Variants in CFAP20DC observed in about 807,000 individuals in gnomAD.
The protein encoded by CFAP20DC is protein CFAP20DC.
CFAP20DC carries 84 observed loss-of-function variants against 101.7 expected under a neutral mutation model. The observed-to-expected ratio is 0.83, with a 90% CI of 0.69 to 0.99. The LOEUF (loss-of-function observed/expected upper bound fraction) is 0.99, where lower values mean the gene tolerates loss of function less well. Among genes scored for constraint, CFAP20DC ranks in the 50% least tolerant of loss-of-function variants. The pLI, the probability that CFAP20DC is intolerant of heterozygous loss-of-function variation, is 0.00. For synonymous variants in CFAP20DC, 359 were observed against 351.2 expected, an observed-to-expected ratio of 1.02 and a Z score of -0.25; for missense variants, 1,007 against 970.3, an observed-to-expected ratio of 1.04 and a Z score of -0.50.
intron 6 of CFAP20DC, among the ~76,000 whole-genome samples, chr3:58,908,133 T>C (rs2083789423): frequency 6.6e-6 from 1 of 152,202 alleles, no homozygotes; most frequent in African/African-American, 2.4e-5. Context: ...CCCTTTCACC[T>C]AAGGCTGCCC....
intron 4 of CFAP20DC, among the ~76,000 whole-genome samples, chr3:59,030,452 T>C (rs1036030348): frequency 1.7e-4 from 26 of 152,204 alleles, no homozygotes; most frequent in Non-Finnish European, 5.9e-5. Context: ...ATCTGATAAA[T>C]TCCCAAGGTC....
At chr3:58,757,389 T>C (rs76463049) in intron 15 of CFAP20DC, among the ~76,000 whole-genome samples, 12,592 of 151,754 alleles carry the variant, frequency 0.083, 875 homozygotes, top group East Asian at 0.35. Context: ...CACACACACA[T>C]ATATATATGC....
chr3:58,774,557 G>A (rs2071148595), intron 15 of CFAP20DC, among the ~76,000 whole-genome samples: 1 of 152,184 alleles, frequency 6.6e-6, no homozygotes, highest in Non-Finnish European at 1.5e-5. Flanking sequence ...CAATAAAATA[G>A]AAGCACAAGA....
In CFAP20DC at chr3:58,795,560, G is replaced by A. The variant is rs1290486993; in HGVS notation, c.2237+10835C>T. 6.6e-6 allele frequency among the ~76,000 whole-genome samples: 1 copy of A among 152,236 alleles called. No individual in the cohort carries two copies. The highest frequency in any genetic ancestry group is 1.5e-5 in the Non-Finnish European group (1 of 68,042). On this transcript the variant is annotated intron_variant, in intron 15 of 16. Transcript: ENST00000482387. The surrounding 1 kb of genome is among the most constrained non-coding windows in gnomAD (Gnocchi z 4.2). ...GAGTTACCTGAGCCCGGGAGGCCGA[G>A]GCTGCAATGAGCCATGATTGTGCCA...
At chr3:58,757,125 T>C (rs1300940160) in intron 15 of CFAP20DC, among the ~76,000 whole-genome samples, 2 of 152,154 alleles carry the variant, frequency 1.3e-5, no homozygotes, top group South Asian at 4.1e-4. Context: ...CTTGTCTTTG[T>C]TAGATATTGG....
intron 7 of CFAP20DC, 113 bp from the exon 8 acceptor site, chr3:58,870,422 C>T: frequency 2.0e-6 from 2 of 980,094 alleles, no homozygotes; most frequent in Non-Finnish European, 3.2e-6. Context: ...AATCCCCCCT[C>T]CCCCCTCAGC....
chr3:58,933,164 AG>A (rs2086970413), intron 5 of CFAP20DC, among the ~76,000 whole-genome samples: 1 of 152,096 alleles, frequency 6.6e-6, no homozygotes, highest in Non-Finnish European at 1.5e-5. Flanking sequence ...AAAGATCAAA[AG>A]AGACAAAGAA....
At chr3:59,019,944 T>C (rs1031653034) in intron 4 of CFAP20DC, among the ~76,000 whole-genome samples, 1 of 152,120 alleles carries the variant, frequency 6.6e-6, no homozygotes, top group African/African-American at 2.4e-5. Context: ...TAACATGATG[T>C]ATTATATCAC....
chr3:58,945,653 C>T (rs2089249005), intron 4 of CFAP20DC, among the ~76,000 whole-genome samples: 1 of 151,830 alleles, frequency 6.6e-6, no homozygotes, highest in Non-Finnish European at 1.5e-5. Context: ...AGCATCTGAA[C>T]TTCACCAATC....
chr3:58,797,063 T>C (rs551323835), intron 15 of CFAP20DC, among the ~76,000 whole-genome samples: 2 of 152,242 alleles, frequency 1.3e-5, no homozygotes, highest in South Asian at 2.1e-4. Flanking sequence ...CACAGCAATA[T>C]TGAAATTAGG....
chr3:59,009,667 G>A lies in CFAP20DC; in HGVS notation c.278+29890C>T, dbSNP rs1488803006. On this transcript the variant is annotated intron_variant, in intron 4 of 16. Transcript: ENST00000482387. ...ACTTATTTGAGGGAATAATTGAGGA[G>A]GGCTTCCCTGGCCTTGTCAGAGACC... Among the ~76,000 whole-genome samples, 3 of 152,078 alleles carry A rather than the reference G, an allele frequency of 2.0e-5. No individual in the cohort carries two copies. The East Asian group carries it at 5.8e-4, about 29-fold the overall frequency.
chr3:58,772,342 A>T (rs2070925480), intron 15 of CFAP20DC, among the ~76,000 whole-genome samples: 1 of 152,218 alleles, frequency 6.6e-6, no homozygotes, highest in Admixed American at 6.5e-5. Flanking sequence ...AGAAATATAA[A>T]TGTCCCCAAA....
chr3:58,779,021 T>A (rs2107554508), intron 15 of CFAP20DC, among the ~76,000 whole-genome samples: 1 of 152,286 alleles, frequency 6.6e-6, no homozygotes, highest in East Asian at 1.9e-4. Context: ...TTACACCAGA[T>A]GTGCAGATAA....
intron 4 of CFAP20DC, among the ~76,000 whole-genome samples, chr3:59,026,024 T>C (rs745578518): frequency 7.9e-5 from 12 of 152,126 alleles, no homozygotes; most frequent in Non-Finnish European, 1.0e-4. Flanking sequence ...TATCAAAAAC[T>C]TCCACATAAA....
rs1358137356 is a variant in CFAP20DC at position 59,049,970 on chromosome 3, C to T, written c.-339G>A. On this transcript the variant is annotated 5_prime_UTR_variant, in exon 1 of 17. Coordinates refer to ENST00000482387, the MANE Select transcript of CFAP20DC (RefSeq NM_001394063.1). ...GCCCAGTCGCGGAGCCACAGACAAC[C>T]GCCCGCTGGCCTAGGAAAAGCGGGC... 1.7e-5 allele frequency: 5 copies of T among 291,392 alleles called. No individual in the cohort carries two copies. In the South Asian group the frequency reaches 3.5e-4, roughly 20 times the overall value. The allele number at this position is 291,392 out of a possible 1,614,324, so 18.1% of individuals were successfully genotyped here. A position where few individuals can be genotyped will look rare whatever the true frequency, so the allele number is the denominator to read the frequency against.
chr3:58,805,076 T>C (rs556246544), intron 15 of CFAP20DC, among the ~76,000 whole-genome samples: 1 of 152,330 alleles, frequency 6.6e-6, no homozygotes, highest in African/African-American at 2.4e-5. Context: ...TCATTTTTCA[T>C]GGCTTGGTTC....
intron 4 of CFAP20DC, among the ~76,000 whole-genome samples, chr3:58,958,272 C>T (rs1312331039): frequency 6.6e-6 from 1 of 152,020 alleles, no homozygotes; most frequent in Non-Finnish European, 1.5e-5. Context: ...TTCATATAAA[C>T]GTAAAAAAAT....
At chr3:58,757,742 A>C (rs573439582) in intron 15 of CFAP20DC, among the ~76,000 whole-genome samples, 2 of 152,058 alleles carry the variant, frequency 1.3e-5, no homozygotes, top group African/African-American at 4.8e-5. Flanking sequence ...AGGTATATCT[A>C]ATTTTACCTC....
chr3:59,009,277 C>T (rs548723738), intron 4 of CFAP20DC, among the ~76,000 whole-genome samples: 1 of 152,138 alleles, frequency 6.6e-6, no homozygotes, highest in East Asian at 1.9e-4. Flanking sequence ...CAGGGTCCTA[C>T]AATACCCCAA....
Sources: gnomAD v4.1 joint callset for allele counts (sites outside exome capture counted in the v4.1 genomes callset) on GRCh38, gnomAD v4.1.1 for gene constraint, Gnocchi (gnomAD v3.1) non-coding constraint, MANE v1.5 for transcripts, NCBI Gene and HGNC (gene_info 2026-07-23, HGNC 2026-07-21) for gene names.